Variants in VPS13B observed in about 807,000 individuals in gnomAD.
The protein encoded by VPS13B is vacuolar protein sorting 13 homolog B.
In VPS13B, 285 loss-of-function variants were observed where a neutral mutation model predicts 426.4. The observed-to-expected ratio is 0.67, with a 90% confidence interval of 0.61 to 0.74. The LOEUF (loss-of-function observed/expected upper bound fraction) is 0.74. Among genes scored for constraint, VPS13B ranks in the 30% least tolerant of loss-of-function variants. The pLI is 0.00. For missense variants in VPS13B, 4,537 were observed against 4,782.6 expected, an observed-to-expected ratio of 0.95 and a Z score of 1.51; for synonymous variants, 1,676 against 1,676.4, an observed-to-expected ratio of 1.00 and a Z score of 0.01.
In VPS13B at chr8:99,875,844, CCACCATAAAGGGCTGCATTTTTT is replaced by C. The variant is rs1817673523; in HGVS notation, c.*179_*201del. 6 of 786,296 alleles carry C rather than the reference CCACCATAAAGGGCTGCATTTTTT, an allele frequency of 7.6e-6. No homozygotes were observed. Among genetic ancestry groups the C allele is most frequent in the East Asian group, 2.7e-5 (1 of 37,266 alleles). 48.7% of individuals were successfully genotyped at this position (786,296 alleles called of 1,614,324 possible). On this transcript the variant is annotated 3_prime_UTR_variant, in exon 62 of 62. Transcript: ENST00000357162. ...TGCCACCATAAAGGGCTGCATTTTG[CCACCATAAAGGGCTGCATTTTTT>C]TAAAAAGCCTAGGCAGCTCTAACAT...
chr8:99,390,736 T>A (rs1198009475), intron 20 of VPS13B, among the ~76,000 whole-genome samples: 2 of 152,204 alleles, frequency 1.3e-5, no homozygotes, highest in African/African-American at 4.8e-5. Flanking sequence ...AAACTGTGGC[T>A]AAAACGCAAC....
At chr8:99,206,431 A>G (rs754891276) in intron 17 of VPS13B, among the ~76,000 whole-genome samples, 2 of 152,224 alleles carry the variant, frequency 1.3e-5, no homozygotes, top group African/African-American at 2.4e-5. Context: ...ATGAAATTCA[A>G]TAATACAGTA....
intron 16 of VPS13B, among the ~76,000 whole-genome samples, chr8:99,182,982 G>A (rs914322038): frequency 6.6e-6 from 1 of 152,054 alleles, no homozygotes; most frequent in African/African-American, 2.4e-5. Flanking sequence ...CAGGTGATCC[G>A]CCTACCTCGG....
intron 20 of VPS13B, among the ~76,000 whole-genome samples, chr8:99,388,294 A>G (rs1329766521): frequency 1.3e-5 from 2 of 152,168 alleles, no homozygotes; most frequent in African/African-American, 4.8e-5. Flanking sequence ...AGGGGATTTT[A>G]GTTTTATCTA....
At chr8:99,423,793 G>A (rs904184717) in intron 21 of VPS13B, among the ~76,000 whole-genome samples, 5 of 152,158 alleles carry the variant, frequency 3.3e-5, no homozygotes, top group Non-Finnish European at 7.3e-5. Flanking sequence ...TATAATTTCT[G>A]TCCTTTTACA....
chr8:99,817,122 T>C (rs1814085366), intron 44 of VPS13B, among the ~76,000 whole-genome samples: 1 of 152,048 alleles, frequency 6.6e-6, no homozygotes, highest in Non-Finnish European at 1.5e-5. Context: ...CCTTCTTCTC[T>C]GGCCCCATTT....
At position 99,871,677 on chromosome 8, in the gene VPS13B, A is replaced by G; in HGVS notation, c.11725A>G (p.Arg3909Gly). The G allele has an allele frequency of 6.2e-7, 1 of 1,613,968 alleles. No homozygotes were observed. Among genetic ancestry groups the G allele is most frequent in the African/African-American group, 1.3e-5 (1 of 75,050 alleles). ...ACTCACAGTGCAGCTCAAGCAGCCA[A>G]GAGTGGCCTGTGATGTGGAGGTACG... ...NLLTVQLKQP[R>G]VACDVEVDGV... is the part of the protein sequence containing the mutation. The change falls in exon 61 of 62, where the codon AGA (arginine) becomes GGA (glycine). Residue 3909 changes from arginine (R) to glycine (G), a missense_variant. By Grantham distance (125) the Arg-to-Gly change is moderately radical. Around this residue, in one of 2 missense-constraint regions of VPS13B, gnomAD observed 4,311 missense variants for 4,474.3 expected, o/e 0.96. Coordinates refer to ENST00000357162, the MANE Select transcript of VPS13B (RefSeq NM_152564.5).
At chr8:99,515,012 T>C (rs529143778) in intron 29 of VPS13B, among the ~76,000 whole-genome samples, 74 of 152,332 alleles carry the variant, frequency 4.9e-4, no homozygotes, top group African/African-American at 1.7e-3. Flanking sequence ...CCTGAGCAGC[T>C]CTGTGGTGAG....
At chr8:99,700,981 A>T (rs1307622308) in intron 36 of VPS13B, among the ~76,000 whole-genome samples, 1 of 152,158 alleles carries the variant, frequency 6.6e-6, no homozygotes, top group African/African-American at 2.4e-5. Flanking sequence ...TGCTTATCAA[A>T]AAGTAATTAA....
chr8:99,518,837 G>A lies in VPS13B; in HGVS notation c.4634-2062G>A, dbSNP rs140900055. Among the ~76,000 whole-genome samples, 775 of 152,200 alleles carry A rather than the reference G, an allele frequency of 5.1e-3. 3 individuals carry two copies. Among genetic ancestry groups the A allele is most frequent in the Non-Finnish European group, 9.3e-3 (635 of 67,994 alleles). ...ATCTCGTAGCTTTTGCATTCTTTGG[G>A]CACCACAGTTTGGGAAATATGGATT... On this transcript the variant is annotated intron_variant, in intron 29 of 61. Coordinates refer to ENST00000357162, the MANE Select transcript of VPS13B (RefSeq NM_152564.5).
At chr8:99,493,780 T>TAAAAAAAAAAAAAAAAAA (rs376555643) in intron 25 of VPS13B, among the ~76,000 whole-genome samples, 5 of 61,108 alleles carry the variant, frequency 8.2e-5, no homozygotes, top group Admixed American at 2.0e-4. Flanking sequence ...AGACTCTATC[T>TAAAAAAAAAAAAAAAAAA]AAAAAAAAAA....
At chr8:99,680,493 T>C (rs551590434) in intron 35 of VPS13B, among the ~76,000 whole-genome samples, 1 of 152,336 alleles carries the variant, frequency 6.6e-6, no homozygotes, top group Non-Finnish European at 1.5e-5. Flanking sequence ...TTTAACTCAA[T>C]AGTCATTCCA....
At chr8:99,670,526 A>G (rs1588609434) in intron 35 of VPS13B, among the ~76,000 whole-genome samples, 1 of 152,098 alleles carries the variant, frequency 6.6e-6, no homozygotes, top group African/African-American at 2.4e-5. Context: ...AGTTGTAAGT[A>G]TATAATACAG....
intron 55 of VPS13B, among the ~76,000 whole-genome samples, chr8:99,850,485 T>TA (rs1470296602): frequency 9.9e-5 from 15 of 152,218 alleles, no homozygotes; most frequent in Admixed American, 5.2e-4. Flanking sequence ...GATGTGGGGT[T>TA]AATGAGTTAT....
Position 99,859,462 on chromosome 8 carries a change from G to C in VPS13B, c.11026G>C (p.Val3676Leu). Residue 3676 changes from valine (V) to leucine (L), a missense_variant, in exon 57 of 62, where the codon GTA (valine) becomes CTA (leucine). This residue lies in a region of VPS13B where 4,311 missense variants were observed against 4,474.3 expected (regional missense o/e 0.96). Coordinates refer to ENST00000357162, the MANE Select transcript of VPS13B (RefSeq NM_152564.5). ...CGTCTCCAGAGGGACCACATCGTTTGTAAAGCACATCTCCAAAGGTAGCGG... is the reference window on the plus strand; with the variant it reads ...CGTCTCCAGAGGGACCACATCGTTTCTAAAGCACATCTCCAAAGGTAGCGG... ...SGVSRGTTSF[V>L]KHISKGTLTS... 1.2e-6 allele frequency: 2 copies of C among 1,613,626 alleles called. No individual in the cohort carries two copies. Among genetic ancestry groups the C allele is most frequent in the Non-Finnish European group, 8.5e-7 (1 of 1,179,868 alleles).
chr8:99,045,757 T>C (rs1468842770), intron 3 of VPS13B, among the ~76,000 whole-genome samples: 1 of 152,214 alleles, frequency 6.6e-6, no homozygotes, highest in Non-Finnish European at 1.5e-5. Flanking sequence ...TTCATTCTCC[T>C]ACATGTGGCT....
rs111334743 is a variant in VPS13B at position 99,606,629 on chromosome 8, C to CT, written c.5220+29013dup. Among the ~76,000 whole-genome samples, 845 of 105,798 alleles carry CT rather than the reference C, an allele frequency of 8.0e-3. 6 individuals are homozygous for CT. The highest frequency in any genetic ancestry group is 0.016 in the East Asian group (34 of 2,154). The allele number at this position is 105,798 out of a possible 152,430, so 69.4% of individuals were successfully genotyped here. A position where few individuals can be genotyped will look rare whatever the true frequency, so the allele number is the denominator to read the frequency against. Reference sequence around the variant, plus strand: ...TTTGTTTTCTTTTTCTTTTTCTTTTCTTTTTTTTTTTTTTTTTGAGACGGA... The same window carrying CT: ...TTTGTTTTCTTTTTCTTTTTCTTTTCTTTTTTTTTTTTTTTTTTGAGACGGA... On this transcript the variant is annotated intron_variant, in intron 33 of 61. Coordinates refer to ENST00000357162, the MANE Select transcript of VPS13B (RefSeq NM_152564.5).
intron 31 of VPS13B, among the ~76,000 whole-genome samples, chr8:99,563,665 A>G (rs1279199415): frequency 1.3e-5 from 2 of 152,226 alleles, no homozygotes; most frequent in Non-Finnish European, 2.9e-5. Flanking sequence ...AGAAGGAAGC[A>G]GTAGATCCAG....
Position 99,717,385 on chromosome 8 carries a change from T to G in VPS13B, c.6657+12T>G, listed in dbSNP as rs774796847. 1 of 1,611,146 alleles carries G rather than the reference T, an allele frequency of 6.2e-7. No homozygotes were observed. The highest frequency in any genetic ancestry group is 1.1e-5 in the South Asian group (1 of 91,004). On this transcript the variant is annotated intron_variant, in intron 37 of 61. Coordinates refer to ENST00000357162, the MANE Select transcript of VPS13B (RefSeq NM_152564.5). ...GAGGTCTACTACAGGTCTGTGGGTA[T>G]TGGCCATATTTTTTTCATAGGTTAT...
Sources: allele counts gnomAD v4.1 joint callset (sites outside exome capture counted in the v4.1 genomes callset), GRCh38; gene constraint gnomAD v4.1.1; regional missense constraint gnomAD v4.1.1; transcripts MANE v1.5; gene names NCBI Gene and HGNC (gene_info 2026-07-23, HGNC 2026-07-21).